The following ZNF507 variants were observed in gnomAD, a reference collection of about 807,000 sequenced individuals.
ZNF507 encodes zinc finger protein 507.
In ZNF507, 29 loss-of-function variants were observed where a neutral mutation model predicts 80.0. That is an observed-to-expected ratio of 0.36 (90% CI 0.27 to 0.49). The LOEUF (loss-of-function observed/expected upper bound fraction) is 0.49. Ranked by LOEUF, ZNF507 falls within the 20% of genes least tolerant of loss-of-function variation. ZNF507 has a pLI of 0.98. For synonymous variants in ZNF507, 462 were observed against 422.5 expected, an observed-to-expected ratio of 1.09 and a Z score of -1.15; for missense variants, 1,081 against 1,152.2, an observed-to-expected ratio of 0.94 and a Z score of 0.90.
chr19:32,374,772 A>G (rs1190553381), intron 5 of ZNF507, among the ~76,000 whole-genome samples: 3 of 152,184 alleles, frequency 2.0e-5, no homozygotes, highest in Non-Finnish European at 4.4e-5. Flanking sequence ...ATGAGCCACC[A>G]CACTCGGCCT....
chr19:32,379,463 C>T (rs1013797892), intron 5 of ZNF507, among the ~76,000 whole-genome samples: 3 of 152,242 alleles, frequency 2.0e-5, no homozygotes, highest in Non-Finnish European at 2.9e-5. Flanking sequence ...AAACATTTTA[C>T]CACATTTTGA....
At chr19:32,373,213 T>C (rs1169146708) in intron 5 of ZNF507, among the ~76,000 whole-genome samples, 1 of 150,864 alleles carries the variant, frequency 6.6e-6, no homozygotes, top group African/African-American at 2.4e-5. Flanking sequence ...ACATAGGAAT[T>C]TCGGGGGGGG....
At chr19:32,349,185 A>G (rs1967131829) in intron 2 of ZNF507, among the ~76,000 whole-genome samples, 1 of 152,202 alleles carries the variant, frequency 6.6e-6, no homozygotes, top group Admixed American at 6.5e-5. Context: ...AACCAGGACG[A>G]TGAATATTCT....
At chr19:32,370,202 G>A (rs1284969768) in intron 5 of ZNF507, among the ~76,000 whole-genome samples, 2 of 152,248 alleles carry the variant, frequency 1.3e-5, no homozygotes, top group Non-Finnish European at 2.9e-5. Context: ...TGTGAGGAAT[G>A]CTGCACTGAA....
At chr19:32,352,186 A>G (rs1331718208) in intron 2 of ZNF507, among the ~76,000 whole-genome samples, 1 of 152,174 alleles carries the variant, frequency 6.6e-6, no homozygotes, top group Non-Finnish European at 1.5e-5. Context: ...AAGGAAGTAA[A>G]AGTAGGAACT....
Position 32,354,184 on chromosome 19 carries a change from G to C in ZNF507, c.1354G>C (p.Gly452Arg). ...TGCTGATAAATGTACTGTTGATATT[G>C]GGGGATTGATCATAGGCTGGAGCAG... ...YRADKCTVDI[G>R]GLIIGWSSSE... Residue 452 changes from glycine to arginine, a missense_variant, in exon 3 of 7, where the codon GGG (glycine) becomes CGG (arginine). Coordinates refer to ENST00000355898, the MANE Select transcript of ZNF507 (RefSeq NM_001136156.2). 6.2e-7 allele frequency: 1 copy of C among 1,613,404 alleles called. No individual in the cohort carries two copies. Among genetic ancestry groups the C allele is most frequent in the Non-Finnish European group, 8.5e-7 (1 of 1,180,020 alleles).
intron 4 of ZNF507, chr19:32,359,002 C>T (rs534287601): frequency 6.6e-6 from 1 of 152,314 alleles, no homozygotes; most frequent in South Asian, 2.1e-4. Flanking sequence ...AGCACAGGCT[C>T]TCATTCTGTG....
At chr19:32,361,290 A>C (rs2145325095) in intron 5 of ZNF507, among the ~76,000 whole-genome samples, 1 of 152,332 alleles carries the variant, frequency 6.6e-6, no homozygotes, top group South Asian at 2.1e-4. Flanking sequence ...CAGAAAATAT[A>C]GGCATTCTCA....
chr19:32,378,526 A>G (rs1306937834), intron 5 of ZNF507, among the ~76,000 whole-genome samples: 2 of 152,160 alleles, frequency 1.3e-5, no homozygotes, highest in Non-Finnish European at 2.9e-5. Flanking sequence ...TGTAAGGAAC[A>G]TTGGCTCCTG....
rs140832580 is a variant in ZNF507, at chr19:32,354,545, A to G, written c.1715A>G (p.Gln572Arg). The change falls in exon 3 of 7, where the codon CAG becomes CGG. Residue 572 changes from glutamine to arginine, a missense_variant. This residue lies in a region of ZNF507 where 614 missense variants were observed against 583.9 expected (regional missense o/e 1.05). Coordinates refer to ENST00000355898, the MANE Select transcript of ZNF507 (RefSeq NM_001136156.2). ...STLVALPEGR[Q>R]ELSDGQVKTG... ...TTGGTAGCACTCCCAGAGGGTAGGCAGGAATTGTCAGATGGGCAGGTTAAG... is the reference window on the plus strand; with the variant it reads ...TTGGTAGCACTCCCAGAGGGTAGGCGGGAATTGTCAGATGGGCAGGTTAAG... 9.9e-6 allele frequency: 16 copies of G among 1,614,102 alleles called. No homozygotes were observed. Among genetic ancestry groups the G allele is most frequent in the African/African-American group, 1.3e-5 (1 of 74,940 alleles).
Position 32,354,835 on chromosome 19 carries a change from T to C in ZNF507, c.2005T>C (p.Tyr669His). The change falls in exon 3 of 7, where the codon TAT becomes CAT. Residue 669 changes from tyrosine (Y) to histidine (H), a missense_variant. Physicochemically the swap from Tyr to His is moderately conservative, Grantham distance 83. This residue lies in a region of ZNF507 where 614 missense variants were observed against 583.9 expected (regional missense o/e 1.05). Coordinates refer to ENST00000355898, the MANE Select transcript of ZNF507 (RefSeq NM_001136156.2). ...ACGAGTCCATCGACAGAGACAGCCT[T>C]ATCAGTGTCCTATCTGCGAGCACAT... ...HLRVHRQRQP[Y>H]QCPICEHIAD... 6.2e-7 allele frequency: 1 copy of C among 1,614,160 alleles called. No homozygotes were observed. The highest frequency in any genetic ancestry group is 8.5e-7 in the Non-Finnish European group (1 of 1,180,024).
chr19:32,346,438 G>C (rs1336283946), intron 1 of ZNF507, among the ~76,000 whole-genome samples: 1 of 152,196 alleles, frequency 6.6e-6, no homozygotes, highest in Admixed American at 6.5e-5. Context: ...GCAGTGGGCT[G>C]TAATTTGCTA....
intron 2 of ZNF507, among the ~76,000 whole-genome samples, chr19:32,349,404 G>T (rs1185831868): frequency 6.6e-6 from 1 of 152,184 alleles, no homozygotes; most frequent in Non-Finnish European, 1.5e-5. Flanking sequence ...ACCTCTCCAT[G>T]AAGCTTTTGC....
At chr19:32,360,008 A>G (rs1967300996) in intron 4 of ZNF507, among the ~76,000 whole-genome samples, 1 of 152,160 alleles carries the variant, frequency 6.6e-6, no homozygotes, top group Non-Finnish European at 1.5e-5. Context: ...GATTATGGGC[A>G]TGAGCCACCA....
At chr19:32,349,674 T>C (rs1352607105) in intron 2 of ZNF507, among the ~76,000 whole-genome samples, 1 of 152,248 alleles carries the variant, frequency 6.6e-6, no homozygotes, top group Non-Finnish European at 1.5e-5. Context: ...TCTGCATTAG[T>C]GGTCTAAATA....
intron 4 of ZNF507, 35 bp from the exon 5 acceptor site, chr19:32,360,469 A>G: frequency 1.7e-6 from 2 of 1,178,908 alleles, no homozygotes; most frequent in Middle Eastern, 2.0e-4. Context: ...ATCTTGTCAA[A>G]GCCTGCTACT....
At chr19:32,360,471 C>A in intron 4 of ZNF507, 33 bp from the exon 5 acceptor site, 1 of 1,209,916 alleles carries the variant, frequency 8.3e-7, no homozygotes, top group South Asian at 1.6e-5. Flanking sequence ...CTTGTCAAAG[C>A]CTGCTACTAA....
At chr19:32,351,505 GTATA>G (rs1259633257) in intron 2 of ZNF507, among the ~76,000 whole-genome samples, 4 of 107,080 alleles carry the variant, frequency 3.7e-5, no homozygotes, top group Middle Eastern at 4.3e-3. Flanking sequence ...TTGTGTTTGT[GTATA>G]TGTGTGTGTG....
chr19:32,374,752 G>A (rs1039343658), intron 5 of ZNF507, among the ~76,000 whole-genome samples: 4 of 152,076 alleles, frequency 2.6e-5, no homozygotes, highest in Non-Finnish European at 4.4e-5. Flanking sequence ...AAAGTGCTAG[G>A]ATTACAGGCA....
Sources: allele counts gnomAD v4.1 joint callset (sites outside exome capture counted in the v4.1 genomes callset), GRCh38; gene constraint gnomAD v4.1.1; regional missense constraint gnomAD v4.1.1; transcripts MANE v1.5; gene names NCBI Gene and HGNC (gene_info 2026-07-23, HGNC 2026-07-21).